Variants in KCTD14 observed in about 807,000 individuals in gnomAD.
KCTD14 encodes potassium channel tetramerization domain containing 14.
Under a neutral mutation model 5.9 loss-of-function variants are expected in KCTD14, and 7 were observed. The observed-to-expected ratio is 1.19, with a 90% CI of 0.68 to 2.23. The LOEUF is 2.23. Among genes scored for constraint, KCTD14 ranks in the 30% most tolerant of loss-of-function variants. The probability of loss-of-function intolerance (pLI) is 0.00; values close to 1 mark genes in which losing one functional copy is unlikely to be tolerated. For missense variants in KCTD14, 342 were observed against 332.2 expected (o/e 1.03, Z -0.23); for synonymous variants, 140 against 133.1 (o/e 1.05, Z -0.36).
intron 1 of KCTD14, chr11:78,046,042 A>C (rs1858130181): frequency 1.1e-6 from 1 of 952,348 alleles, no homozygotes; most frequent in Admixed American, 6.2e-5. Flanking sequence ...GCCTGCACTT[A>C]GACACAAGCT....
intron 1 of KCTD14, among the ~76,000 whole-genome samples, chr11:78,044,553 T>A (rs181068576): frequency 8.1e-4 from 123 of 152,142 alleles, no homozygotes; most frequent in South Asian, 1.7e-3. Flanking sequence ...AATAAAGATA[T>A]AGTTTAATTG....
At chr11:78,031,782 A>T (rs1391903403) in intron 2 of KCTD14, among the ~76,000 whole-genome samples, 3 of 152,198 alleles carry the variant, frequency 2.0e-5, no homozygotes, top group Non-Finnish European at 4.4e-5. Context: ...ACCAGGGGAC[A>T]AGAGCTAACC....
chr11:78,021,259 C>T (rs556219259), intron 1 of KCTD14, among the ~76,000 whole-genome samples: 3 of 132,492 alleles, frequency 2.3e-5, no homozygotes, highest in South Asian at 5.1e-4. Context: ...GATTGCACTA[C>T]TGCACTCCAG....
Position 78,016,763 on chromosome 11 carries a change from T to G in KCTD14, c.598A>C (p.Lys200Gln), listed in dbSNP as rs1294396116. 2.5e-6 allele frequency: 4 copies of G among 1,614,120 alleles called. No homozygotes were observed. Among genetic ancestry groups the G allele is most frequent in the Non-Finnish European group, 3.4e-6 (4 of 1,180,006 alleles). ...AGGACCGCCTTCCAGGGCCCAAACT[T>G]GACAACAGACTTGAACATCTTCTTA... ...QDKKMFKSVV[K>Q]FGPWKAVLDN... is the part of the protein sequence containing the mutation. Residue 200 changes from lysine (K) to glutamine (Q), a missense_variant, in exon 2 of 2, where the codon AAG (lysine) becomes CAG (glutamine). By Grantham distance (53) the Lys-to-Gln change is moderately conservative. Transcript: ENST00000353172.
At chr11:78,035,965 G>A (rs1226370207) in intron 2 of KCTD14, among the ~76,000 whole-genome samples, 1 of 151,630 alleles carries the variant, frequency 6.6e-6, no homozygotes, top group Non-Finnish European at 1.5e-5. Flanking sequence ...TTTGAGACCA[G>A]CCTGGCCAAC....
chr11:78,027,063 C>T (rs1203915019), upstream of KCTD14, among the ~76,000 whole-genome samples: 2 of 151,944 alleles, frequency 1.3e-5, no homozygotes, highest in African/African-American at 4.8e-5. Flanking sequence ...TATGCCACTG[C>T]ACTCTAGCCT....
At chr11:78,019,838 A>G (rs1329970680) in intron 1 of KCTD14, among the ~76,000 whole-genome samples, 1 of 152,196 alleles carries the variant, frequency 6.6e-6, no homozygotes, top group Non-Finnish European at 1.5e-5. Flanking sequence ...GCTGAGCACT[A>G]AGACTGGTTA....
intron 2 of KCTD14, among the ~76,000 whole-genome samples, chr11:78,033,361 T>C (rs1196376957): frequency 6.6e-6 from 1 of 152,158 alleles, no homozygotes; most frequent in Non-Finnish European, 1.5e-5. Flanking sequence ...TGAATCTCTG[T>C]GGCTAATATA....
upstream of KCTD14, among the ~76,000 whole-genome samples, chr11:78,027,876 T>C (rs1298307347): frequency 6.6e-6 from 1 of 152,152 alleles, no homozygotes; most frequent in East Asian, 1.9e-4. Context: ...ACTTAAAGAC[T>C]GACAGACTTT....
intron 1 of KCTD14, among the ~76,000 whole-genome samples, chr11:78,021,039 A>G (rs944395728): frequency 2.0e-5 from 3 of 152,210 alleles, no homozygotes; most frequent in Non-Finnish European, 4.4e-5. Flanking sequence ...GCAGTGGCTT[A>G]CGCCTGTAAT....
chr11:78,016,478 T>C lies in KCTD14; in HGVS notation c.*115A>G. ...TGATCAATATTTAGTGGCAAGACTC[T>C]AGACCAACCCTGGAAATTGCCTGAT... On this transcript the variant is annotated 3_prime_UTR_variant, in exon 2 of 2. Transcript: ENST00000353172. 1 of 906,356 alleles carries C rather than the reference T, an allele frequency of 1.1e-6. No individual in the cohort carries two copies. Among genetic ancestry groups the C allele is most frequent in the Non-Finnish European group, 1.7e-6 (1 of 601,940 alleles). 56.1% of individuals were successfully genotyped at this position (906,356 alleles called of 1,614,324 possible). A position where few individuals can be genotyped will look rare whatever the true frequency, so the allele number is the denominator to read the frequency against.
At position 78,017,246 on chromosome 11, in the gene KCTD14, C is replaced by A. The variant is rs752112333; in HGVS notation, c.115G>T (p.Val39Phe). ...PTMSTVVELN[V>F]GGEFHTTTLG... ...GTGGTGGTGTGGAACTCACCCCCGACGTTCAGCTCCACAACAGTAGACATC... is the reference window on the plus strand; with the variant it reads ...GTGGTGGTGTGGAACTCACCCCCGAAGTTCAGCTCCACAACAGTAGACATC... Residue 39 changes from valine to phenylalanine, a missense_variant, in exon 2 of 2, where the codon GTC becomes TTC. Coordinates refer to ENST00000353172, the MANE Select transcript of KCTD14 (RefSeq NM_023930.4). The A allele has an allele frequency of 1.9e-6, 3 of 1,602,718 alleles. No individual in the cohort carries two copies. Among genetic ancestry groups the A allele is most frequent in the Non-Finnish European group, 2.6e-6 (3 of 1,171,422 alleles).
chr11:78,024,922 G>A (rs940894325), upstream of KCTD14, among the ~76,000 whole-genome samples: 11 of 151,280 alleles, frequency 7.3e-5, no homozygotes, highest in Non-Finnish European at 1.3e-4. Context: ...TCCAGCCTGG[G>A]CAACAAGAGT....
At chr11:78,033,778 A>G (rs1857699911) in intron 2 of KCTD14, among the ~76,000 whole-genome samples, 1 of 149,426 alleles carries the variant, frequency 6.7e-6, no homozygotes, top group African/African-American at 2.5e-5. Flanking sequence ...AACCAGAGGT[A>G]GAGGTTGCAA....
chr11:78,024,457 T>C (rs867706239), upstream of KCTD14, among the ~76,000 whole-genome samples: 124 of 120,258 alleles, frequency 1.0e-3, no homozygotes, highest in Admixed American at 3.2e-3. Context: ...TATATATATA[T>C]ATACATATAT....
At chr11:78,029,099 C>A (rs751823142) in intron 2 of KCTD14, among the ~76,000 whole-genome samples, 2 of 149,588 alleles carry the variant, frequency 1.3e-5, no homozygotes, top group Non-Finnish European at 3.0e-5. Flanking sequence ...GCATGAGAAT[C>A]GCTTGAACCC....
rs1857194723 is a variant in KCTD14, at chr11:78,017,277, G to A, written c.91-7C>T. 1.3e-6 allele frequency: 2 copies of A among 1,574,822 alleles called. No individual in the cohort carries two copies. Among genetic ancestry groups the A allele is most frequent in the Admixed American group, 3.6e-5 (2 of 56,242 alleles). ...GCTCCACAACAGTAGACATCTGGGG[G>A]CACAAGAGGCAGAGTAAACCAACAC... On this transcript the variant is annotated splice_polypyrimidine_tract_variant and splice_region_variant and intron_variant, in intron 1 of 1. Coordinates refer to ENST00000353172, the MANE Select transcript of KCTD14 (RefSeq NM_023930.4).
At chr11:78,034,240 A>G (rs1857722296) in intron 2 of KCTD14, among the ~76,000 whole-genome samples, 1 of 152,094 alleles carries the variant, frequency 6.6e-6, no homozygotes, top group Admixed American at 6.6e-5. Context: ...CCCCGACCTC[A>G]GCCTCCTGAG....
rs143332823 is a variant in KCTD14, at chr11:78,017,302, C to T, written c.91-32G>A. ...GCACAAGAGGCAGAGTAAACCAACA[C>T]GCCATCTCCCCTGAGCGCATTACTT... is the stretch of plus-strand genomic sequence containing the variant. On this transcript the variant is annotated intron_variant, in intron 1 of 1. Coordinates refer to ENST00000353172, the MANE Select transcript of KCTD14 (RefSeq NM_023930.4). The T allele has an allele frequency of 7.6e-5, 118 of 1,548,436 alleles. No homozygotes were observed. The East Asian group carries it at 1.3e-3, about 16-fold the overall frequency.
Sources: allele counts gnomAD v4.1 joint callset (sites outside exome capture counted in the v4.1 genomes callset), GRCh38; gene constraint gnomAD v4.1.1; transcripts MANE v1.5; gene names NCBI Gene and HGNC (gene_info 2026-07-23, HGNC 2026-07-21).